Variants in PBLD observed in about 807,000 individuals in gnomAD.
PBLD encodes phenazine biosynthesis like protein domain containing.
PBLD carries 26 observed loss-of-function variants against 31.3 expected under a neutral mutation model. The ratio of observed to expected loss-of-function variants is 0.83; its 90% confidence interval spans 0.61 to 1.15. The LOEUF (loss-of-function observed/expected upper bound fraction) is 1.15, where lower values mean the gene tolerates loss of function less well. Among genes scored for constraint, PBLD ranks in the 50% most tolerant of loss-of-function variants. The pLI, the probability that PBLD is intolerant of heterozygous loss-of-function variation, is 0.00. For synonymous variants in PBLD, 114 were observed against 129.0 expected (o/e 0.88, Z 0.79); for missense variants, 307 against 351.7 (o/e 0.87, Z 1.02).
intron 1 of PBLD, among the ~76,000 whole-genome samples, chr10:68,328,368 C>CG (rs2044957520): frequency 6.6e-6 from 1 of 152,190 alleles, no homozygotes; most frequent in South Asian, 2.1e-4. Context: ...TCCCTCCCCC[C>CG]GAAGAGTGTA....
intron 1 of PBLD, among the ~76,000 whole-genome samples, chr10:68,328,312 G>A (rs145560093): frequency 6.6e-6 from 1 of 152,254 alleles, no homozygotes; most frequent in African/African-American, 2.4e-5. Context: ...AATGCCACTG[G>A]GGATATGTGA....
At chr10:68,312,720 C>T (rs2044687010) in intron 1 of PBLD, among the ~76,000 whole-genome samples, 1 of 148,056 alleles carries the variant, frequency 6.8e-6, no homozygotes, top group Non-Finnish European at 1.5e-5. Flanking sequence ...CGCCATTCTC[C>T]TGCCTCAGCC....
intron 1 of PBLD, among the ~76,000 whole-genome samples, chr10:68,327,259 C>T (rs2044936408): frequency 6.6e-6 from 1 of 152,170 alleles, no homozygotes; most frequent in Non-Finnish European, 1.5e-5. Flanking sequence ...CTTTGCAAGA[C>T]TGCAGTGAAA....
chr10:68,312,713 C>T (rs1459493162), intron 1 of PBLD, among the ~76,000 whole-genome samples: 2 of 146,010 alleles, frequency 1.4e-5, no homozygotes, highest in Non-Finnish European at 3.0e-5. Flanking sequence ...GGGTTCACGC[C>T]ATTCTCCTGC....
At chr10:68,323,812 T>C (rs1249920855) in intron 1 of PBLD, among the ~76,000 whole-genome samples, 1 of 152,196 alleles carries the variant, frequency 6.6e-6, no homozygotes, top group Non-Finnish European at 1.5e-5. Flanking sequence ...TCACTGTAAA[T>C]AATAAATTCT....
Position 68,331,443 on chromosome 10 carries a change from C to T in PBLD, c.-60+1341G>A, listed in dbSNP as rs1479883211. ...GAATACACCCAAGAAACCCGGATCC[C>T]GCGCGGCACATTGGGACGAAGCGCG... On this transcript the variant is annotated intron_variant, in intron 1 of 9. Transcript: ENST00000358769. The T allele has an allele frequency of 3.9e-5, 6 of 152,420 alleles. No homozygotes were observed. In the East Asian group the frequency reaches 1.2e-3, roughly 29 times the overall value. 9.4% of individuals were successfully genotyped at this position (152,420 alleles called of 1,614,324 possible). A position where few individuals can be genotyped will look rare whatever the true frequency, so the allele number is the denominator to read the frequency against.
chr10:68,299,854 AAAAT>A (rs1301355844), intron 2 of PBLD, among the ~76,000 whole-genome samples: 1 of 152,160 alleles, frequency 6.6e-6, no homozygotes, highest in Non-Finnish European at 1.5e-5. Flanking sequence ...CTCCATCTCA[AAAAT>A]AAATAAATAA....
intron 2 of PBLD, among the ~76,000 whole-genome samples, chr10:68,299,081 T>C (rs2044470049): frequency 9.2e-6 from 1 of 108,390 alleles, no homozygotes; most frequent in East Asian, 3.1e-4. Flanking sequence ...CACTCCAGCC[T>C]GGGTGACAGA....
rs1290180872 is a variant in PBLD, at chr10:68,284,191, T to A, written c.853A>T (p.Thr285Ser). ...RGGAAVVLEG[T>S]LTA ...CATAACCACCTCTAGGCTGTCAGTG[T>A]GCCCTCTAAAACAACAGCTGCACCT... The change falls in exon 10 of 10, where the codon ACA (threonine) becomes TCA (serine). Residue 285 changes from threonine to serine, a missense_variant. Coordinates refer to ENST00000358769, the MANE Select transcript of PBLD (RefSeq NM_022129.4). The A allele has an allele frequency of 6.2e-7, 1 of 1,613,892 alleles. No homozygotes were observed. Among genetic ancestry groups the A allele is most frequent in the South Asian group, 1.1e-5 (1 of 91,070 alleles).
Position 68,310,182 on chromosome 10 carries a change from C to T in PBLD, c.-59-3279G>A, listed in dbSNP as rs184292499. Among the ~76,000 whole-genome samples, 188 of 148,872 alleles carry T rather than the reference C, an allele frequency of 1.3e-3. 13 individuals are homozygous for T. Among genetic ancestry groups the T allele is most frequent in the African/African-American group, 4.5e-3 (183 of 40,418 alleles). Reference sequence around the variant, plus strand: ...AGAGTACGGGCATTCAAAGTGTATCCGAACACCATCTACTTTTTTTTCAGT... The same window carrying T: ...AGAGTACGGGCATTCAAAGTGTATCTGAACACCATCTACTTTTTTTTCAGT... On this transcript the variant is annotated intron_variant, in intron 1 of 9. Coordinates refer to ENST00000358769, the MANE Select transcript of PBLD (RefSeq NM_022129.4).
At chr10:68,326,002 C>G (rs1332933797) in intron 1 of PBLD, among the ~76,000 whole-genome samples, 1 of 151,592 alleles carries the variant, frequency 6.6e-6, no homozygotes, top group Non-Finnish European at 1.5e-5. Context: ...GACAGGTTCA[C>G]TTTATGTACG....
At chr10:68,296,417 C>T in intron 3 of PBLD, 53 bp from the exon 4 acceptor site, 1 of 1,342,034 alleles carries the variant, frequency 7.5e-7, no homozygotes. Context: ...GCAAGCAGGT[C>T]ACAGATTTCT....
intron 2 of PBLD, among the ~76,000 whole-genome samples, chr10:68,297,552 A>T (rs988603700): frequency 2.6e-5 from 4 of 151,970 alleles, no homozygotes; most frequent in African/African-American, 4.8e-5. Context: ...TGGCCTCGCC[A>T]CCTCTGATTC....
chr10:68,309,861 C>T (rs2044641156), intron 1 of PBLD, among the ~76,000 whole-genome samples: 1 of 148,536 alleles, frequency 6.7e-6, no homozygotes, highest in African/African-American at 2.5e-5. Flanking sequence ...GTAGGCCAGG[C>T]ACGGCGGCTC....
intron 8 of PBLD, among the ~76,000 whole-genome samples, chr10:68,285,895 G>A (rs1357551942): frequency 2.9e-5 from 2 of 67,798 alleles, no homozygotes; most frequent in Admixed American, 2.7e-4. Flanking sequence ...TGCCCAGCCT[G>A]GTCTCGAACT....
intron 1 of PBLD, among the ~76,000 whole-genome samples, chr10:68,320,386 T>C (rs947891438): frequency 2.0e-5 from 3 of 152,102 alleles, no homozygotes; most frequent in Non-Finnish European, 4.4e-5. Context: ...CAAAAACTGA[T>C]AGAATTAAAA....
At chr10:68,308,652 G>A (rs1196043363) in intron 1 of PBLD, among the ~76,000 whole-genome samples, 3 of 150,276 alleles carry the variant, frequency 2.0e-5, no homozygotes, top group Non-Finnish European at 4.4e-5. Context: ...GGGTTCAAGC[G>A]ATTCTCATGC....
chr10:68,307,097 T>A (rs2134477876), intron 1 of PBLD, among the ~76,000 whole-genome samples, 194 bp from the exon 2 acceptor site: 1 of 152,262 alleles, frequency 6.6e-6, no homozygotes, highest in South Asian at 2.1e-4. Flanking sequence ...GGCACCGATC[T>A]CGGCTCACTG....
At chr10:68,305,367 C>A (rs2044563111) in intron 2 of PBLD, among the ~76,000 whole-genome samples, 1 of 151,070 alleles carries the variant, frequency 6.6e-6, no homozygotes, top group Non-Finnish European at 1.5e-5. Context: ...CCTGCCTCAG[C>A]CTCCCAAAGT....
Sources: gnomAD v4.1 joint callset for allele counts (sites outside exome capture counted in the v4.1 genomes callset) on GRCh38, gnomAD v4.1.1 for gene constraint, MANE v1.5 for transcripts, NCBI Gene and HGNC (gene_info 2026-07-23, HGNC 2026-07-21) for gene names.